Variants in PCDH19 observed in about 807,000 individuals in gnomAD.
PCDH19 encodes the protein protocadherin-19.
In PCDH19, 6 loss-of-function variants were observed where a neutral mutation model predicts 46.2. The ratio of observed to expected loss-of-function variants is 0.13; its 90% confidence interval spans 0.07 to 0.26. PCDH19 has a LOEUF of 0.26. PCDH19 is among the 10% of genes least tolerant of loss of function. The pLI is 1.00. For synonymous variants in PCDH19, 481 were observed against 415.7 expected (o/e 1.16, Z -1.91); for missense variants, 740 against 972.3 (o/e 0.76, Z 3.18).
Position 100,402,847 on chromosome X carries a change from C to A in PCDH19, c.2293G>T (p.Ala765Ser). 8.3e-7 allele frequency: 1 copy of A among 1,200,352 alleles called. No homozygotes were observed. Among genetic ancestry groups the A allele is most frequent in the Non-Finnish European group, 1.1e-6 (1 of 885,775 alleles). Reference protein sequence around the residue: ...EKVSLRGKRIAEYSYGHQKKS... With the variant: ...EKVSLRGKRISEYSYGHQKKS... ...TTTTGATGCCCATAGGAGTACTCAG[C>A]AATTCTATGTGACAGAAAAGGCAGC... The change falls in exon 3 of 6, where the codon GCT becomes TCT. Residue 765 changes from alanine to serine, a missense_variant. Ala to Ser is a moderately conservative substitution (Grantham distance 99). This residue lies in a region of PCDH19 where 416 missense variants were observed against 476.8 expected (regional missense o/e 0.87). Transcript: ENST00000373034.
At chrX:100,394,941 G>A (rs1927980565) in intron 3 of PCDH19, among the ~76,000 whole-genome samples, 1 of 99,051 alleles carries the variant, frequency 1.0e-5, no homozygotes, top group Admixed American at 1.1e-4. Context: ...AGGCTGGAGT[G>A]CAGTGGCGGG....
At chrX:100,373,296 C>T (rs1927279549) in intron 3 of PCDH19, among the ~76,000 whole-genome samples, 1 of 113,000 alleles carries the variant, frequency 8.8e-6, no homozygotes, top group African/African-American at 3.2e-5. Context: ...CCACCTCCCC[C>T]AGCCTCCTTC....
rs768501681 is a variant in PCDH19, at chrX:100,408,588, G to A, written c.10C>T (p.Leu4Phe). MES[L>F]LLPVLLLLAI... ...AGCAGCAGCAGCACCGGCAGCAGGA[G>A]CGACTCCATGGCTGCACGGGGCTCT... is the stretch of plus-strand genomic sequence containing the variant. Residue 4 changes from leucine to phenylalanine, a missense_variant, in exon 1 of 6, where the codon CTC becomes TTC. Leu to Phe is a conservative substitution (Grantham distance 22). This residue lies in a region of PCDH19 where 81 missense variants were observed against 96.5 expected (regional missense o/e 0.84). Transcript: ENST00000373034. 2 of 1,168,093 alleles carry A rather than the reference G, an allele frequency of 1.7e-6. No individual in the cohort carries two copies. The highest frequency in any genetic ancestry group is 1.9e-5 in the South Asian group (1 of 53,315).
At chrX:100,338,900 G>C (rs1926175106) in intron 5 of PCDH19, among the ~76,000 whole-genome samples, 1 of 112,029 alleles carries the variant, frequency 8.9e-6, no homozygotes, top group African/African-American at 3.2e-5. Context: ...AAAACTAACA[G>C]ATGCACAAAA....
intron 4 of PCDH19, among the ~76,000 whole-genome samples, chrX:100,348,848 G>T (rs779849840): frequency 8.1e-4 from 90 of 110,533 alleles, no homozygotes; most frequent in Non-Finnish European, 1.6e-3. Flanking sequence ...AGATGCAAGG[G>T]TCCCTGGGAG....
chrX:100,348,683 A>G (rs778216141), intron 4 of PCDH19, among the ~76,000 whole-genome samples: 2 of 112,052 alleles, frequency 1.8e-5, no homozygotes, highest in Admixed American at 1.9e-4. Context: ...ATGTGTCTAT[A>G]AACAAAAAAC....
At chrX:100,342,152 C>T (rs768798852) in intron 4 of PCDH19, 77 bp from the exon 5 acceptor site, 61 of 946,963 alleles carry the variant, frequency 6.4e-5, no homozygotes, top group Non-Finnish European at 8.6e-5. Flanking sequence ...AGGATGATGT[C>T]GGCTCTGTAA....
chrX:100,316,907 A>G (rs1282829251), intron 5 of PCDH19, among the ~76,000 whole-genome samples: 1 of 112,044 alleles, frequency 8.9e-6, no homozygotes, highest in Non-Finnish European at 1.9e-5. Flanking sequence ...TACAATTTCA[A>G]TAGATATTTT....
In PCDH19 at chrX:100,350,674, C is replaced by T. The variant is rs746945279; in HGVS notation, c.2647G>A (p.Val883Met). 2.5e-6 allele frequency: 3 copies of T among 1,189,672 alleles called. No homozygotes were observed. The highest frequency in any genetic ancestry group is 1.8e-5 in the South Asian group (1 of 56,255). ...TTGATTAAATGGGCTCGGCTATTCACGTAGTTGGAGTCAAAAGAATAGTTT... is the reference window on the plus strand; with the variant it reads ...TTGATTAAATGGGCTCGGCTATTCATGTAGTTGGAGTCAAAAGAATAGTTT... ...TENYSFDSNY[V>M]NSRAHLIKSS... The change falls in exon 4 of 6, where the codon GTG (valine) becomes ATG (methionine). Residue 883 changes from valine (V) to methionine (M), a missense_variant. Val to Met is a conservative substitution (Grantham distance 21). This residue lies in a region of PCDH19 where 416 missense variants were observed against 476.8 expected (regional missense o/e 0.87). Transcript: ENST00000373034.
intron 3 of PCDH19, among the ~76,000 whole-genome samples, chrX:100,400,482 T>C (rs1264379521): frequency 8.9e-6 from 1 of 112,445 alleles, no homozygotes; most frequent in Non-Finnish European, 1.9e-5. Context: ...TTCAAAATCA[T>C]GATCAATCTG....
intron 5 of PCDH19, among the ~76,000 whole-genome samples, chrX:100,297,664 T>C (rs1924659396): frequency 8.9e-6 from 1 of 112,148 alleles, no homozygotes; most frequent in Non-Finnish European, 1.9e-5. Context: ...TTTCATGGAT[T>C]ATTTTAACTC....
chrX:100,323,360 C>A (rs1418512342), intron 5 of PCDH19, among the ~76,000 whole-genome samples: 1 of 111,661 alleles, frequency 9.0e-6, no homozygotes, highest in Admixed American at 9.5e-5. Flanking sequence ...AGGCAGTAAC[C>A]CTTTCATAAC....
intron 5 of PCDH19, among the ~76,000 whole-genome samples, chrX:100,306,724 A>G (rs1924958236): frequency 9.0e-6 from 1 of 111,259 alleles, no homozygotes; most frequent in Non-Finnish European, 1.9e-5. Flanking sequence ...ACAAAACGGG[A>G]TATATTACTA....
intron 3 of PCDH19, among the ~76,000 whole-genome samples, chrX:100,391,799 G>C (rs1179375317): frequency 8.9e-6 from 1 of 111,803 alleles, no homozygotes; most frequent in Non-Finnish European, 1.9e-5. Context: ...CTTTTATGAG[G>C]TTTTTAATTG....
At position 100,378,440 on chromosome X, in the gene PCDH19, T is replaced by TA. The variant is rs200393874; in HGVS notation, c.2616+24083dup. On this transcript the variant is annotated intron_variant, in intron 3 of 5. Coordinates refer to ENST00000373034, the MANE Select transcript of PCDH19 (RefSeq NM_001184880.2). Reference sequence around the variant, plus strand: ...GGTTCTTTTTCAAGCTCACTAACAGTAAGGAAATTTACATGAAAAATGGCC... The same window carrying TA: ...GGTTCTTTTTCAAGCTCACTAACAGTAAAGGAAATTTACATGAAAAATGGCC... Among the ~76,000 whole-genome samples, 110 of 112,460 alleles carry TA rather than the reference T, an allele frequency of 9.8e-4. 2 individuals are homozygous for TA. In the East Asian group the frequency reaches 0.029, roughly 29 times the overall value.
chrX:100,333,193 G>GAA (rs1258731814), intron 5 of PCDH19, among the ~76,000 whole-genome samples: 4 of 60,090 alleles, frequency 6.7e-5, no homozygotes, highest in African/African-American at 2.5e-4. Flanking sequence ...GAGAAAGAAA[G>GAA]AAAGAAAGAA....
At position 100,408,050 on chromosome X, in the gene PCDH19, T is replaced by C; in HGVS notation, c.548A>G (p.Asp183Gly). The stretch of plus-strand genomic sequence containing the variant: ...CACGAGTTCGGCAAAGCGGGAGCCG[T>C]CGCCGCGCGTCTTGATCTCCAGGCC... Reference protein sequence around the residue: ...LFGLEIKTRGDGSRFAELVVE... With the variant: ...LFGLEIKTRGGGSRFAELVVE... Residue 183 changes from aspartate to glycine, a missense_variant, in exon 1 of 6, where the codon GAC becomes GGC. Coordinates refer to ENST00000373034, the MANE Select transcript of PCDH19 (RefSeq NM_001184880.2). 1 of 1,208,746 alleles carries C rather than the reference T, an allele frequency of 8.3e-7. No individual in the cohort carries two copies. The highest frequency in any genetic ancestry group is 1.1e-6 in the Non-Finnish European group (1 of 895,583).
intron 3 of PCDH19, among the ~76,000 whole-genome samples, chrX:100,364,435 C>T (rs963402871): frequency 3.6e-5 from 4 of 111,874 alleles, no homozygotes; most frequent in African/African-American, 1.3e-4. Flanking sequence ...TCAGTAACCA[C>T]ATGTGGCTAC....
intron 5 of PCDH19, among the ~76,000 whole-genome samples, chrX:100,336,963 T>G (rs1024185810): frequency 6.3e-5 from 7 of 111,230 alleles, no homozygotes; most frequent in African/African-American, 2.3e-4. Context: ...CATCAAAAAT[T>G]GTTATGCAAA....
Sources: gnomAD v4.1 joint callset for allele counts (sites outside exome capture counted in the v4.1 genomes callset) on GRCh38, gnomAD v4.1.1 for gene constraint, gnomAD v4.1.1 regional missense constraint, MANE v1.5 for transcripts, NCBI Gene and HGNC (gene_info 2026-07-23, HGNC 2026-07-21) for gene names.